AKT1: variants seen among roughly 807,000 people sequenced by gnomAD.
AKT1 encodes RAC-alpha serine/threonine-protein kinase.
AKT1 carries 21 observed loss-of-function variants against 63.1 expected under a neutral mutation model. The ratio of observed to expected loss-of-function variants is 0.33; its 90% CI spans 0.24 to 0.48. AKT1 has a LOEUF of 0.48. Among genes scored for constraint, AKT1 ranks in the 20% least tolerant of loss-of-function variants. The probability of loss-of-function intolerance (pLI) is 0.99; values close to 1 mark genes in which losing one functional copy is unlikely to be tolerated. For synonymous variants in AKT1, 257 were observed against 253.1 expected, an observed-to-expected ratio of 1.02 and a Z score of -0.15; for missense variants, 382 against 666.0, an observed-to-expected ratio of 0.57 and a Z score of 4.69.
At chr14:104,789,504 C>CG (rs1380594322) in intron 3 of AKT1, among the ~76,000 whole-genome samples, 1 of 152,256 alleles carries the variant, frequency 6.6e-6, no homozygotes, top group Non-Finnish European at 1.5e-5. Context: ...TGGCACGGAG[C>CG]TATCAAAGGA....
intron 12 of AKT1, 61 bp downstream of exon 12, chr14:104,772,817 G>C (rs964585008): frequency 6.5e-7 from 1 of 1,534,566 alleles, no homozygotes; most frequent in Non-Finnish European, 8.8e-7. Flanking sequence ...CGCAGGGGCA[G>C]GTGCAGCCTG....
At chr14:104,778,943 C>T (rs1892876061) in intron 4 of AKT1, among the ~76,000 whole-genome samples, 1 of 152,226 alleles carries the variant, frequency 6.6e-6, no homozygotes. Context: ...TTACCCAGCC[C>T]TGCCACATAC....
At chr14:104,776,014 A>G (rs1374150884) in intron 5 of AKT1, 2 of 530,626 alleles carry the variant, frequency 3.8e-6, no homozygotes, top group Non-Finnish European at 6.6e-6. Flanking sequence ...TTAGCCCCCC[A>G]GCAGGACTCT....
rs753076466 is a variant in AKT1, at chr14:104,773,592, G to A, written c.703-12C>T. The stretch of plus-strand genomic sequence containing the variant: ...AGGTGGAAGAACAGCTGCGGGAGGC[G>A]CAACCTGAGGCACAGCCGTGGCTCG... On this transcript the variant is annotated splice_polypyrimidine_tract_variant and intron_variant, in intron 9 of 14. Coordinates refer to ENST00000649815, the MANE Select transcript of AKT1 (RefSeq NM_001382430.1). 27 of 1,597,964 alleles carry A rather than the reference G, an allele frequency of 1.7e-5. No homozygotes were observed. The highest frequency in any genetic ancestry group is 9.4e-5 in the African/African-American group (7 of 74,798).
intron 12 of AKT1, 101 bp from the exon 13 acceptor site, chr14:104,772,553 G>A (rs958131668): frequency 1.6e-4 from 194 of 1,208,532 alleles, no homozygotes; most frequent in Admixed American, 4.3e-4. Context: ...CAGACAGGAC[G>A]TTCCGGGGCC....
At chr14:104,777,704 G>T in intron 4 of AKT1, 1 of 985,726 alleles carries the variant, frequency 1.0e-6, no homozygotes. Context: ...GTGCAAAGCA[G>T]GAGGAGGCTG....
At chr14:104,793,033 A>G (rs1893708135) in intron 2 of AKT1, 94 bp downstream of exon 2, 2 of 363,574 alleles carry the variant, frequency 5.5e-6, no homozygotes, top group Middle Eastern at 1.7e-3. Flanking sequence ...CCAGGCCCTG[A>G]GAGCTGCTGC....
Position 104,770,390 on chromosome 14 carries a change from C to A in AKT1, c.1394G>T (p.Arg465Leu). 6.2e-7 allele frequency: 1 copy of A among 1,612,470 alleles called. No homozygotes were observed. The highest frequency in any genetic ancestry group is 8.5e-7 in the Non-Finnish European group (1 of 1,179,870). ...GGAGAACTGGGGGAAGTGGGGCCTG[C>A]GCTCGCTGTCCACACACTCCATGCT... is the stretch of plus-strand genomic sequence containing the variant. ...DDSMECVDSE[R>L]RPHFPQFSYS... is the part of the protein sequence containing the mutation. Residue 465 changes from arginine (R) to leucine (L), a missense_variant, in exon 15 of 15, where the codon CGC (arginine) becomes CTC (leucine). Arg to Leu is a moderately radical substitution (Grantham distance 102). Coordinates refer to ENST00000649815, the MANE Select transcript of AKT1 (RefSeq NM_001382430.1).
intron 5 of AKT1, chr14:104,776,448 C>G (rs974440205): frequency 3.8e-6 from 2 of 522,786 alleles, no homozygotes; most frequent in Non-Finnish European, 3.4e-6. Context: ...CACCCGGTCC[C>G]TAGCCAGTTT....
chr14:104,777,839 T>G (rs1013398773), intron 4 of AKT1: 2 of 431,078 alleles, frequency 4.6e-6, no homozygotes, highest in Non-Finnish European at 6.2e-6. Context: ...GGGACCAGCC[T>G]GGTGGGGAGG....
intron 11 of AKT1, 44 bp from the exon 12 acceptor site, chr14:104,773,136 C>A: frequency 1.2e-6 from 2 of 1,611,862 alleles, no homozygotes; most frequent in Middle Eastern, 1.7e-4. Context: ...CAAGGGGTGT[C>A]CGGGACACTG....
At position 104,782,986 on chromosome 14, in the gene AKT1, G is replaced by A. The variant is rs1041946832; in HGVS notation, c.47-2770C>T. Among the ~76,000 whole-genome samples, 42 of 152,288 alleles carry A rather than the reference G, an allele frequency of 2.8e-4. 1 individual carries two copies. Among genetic ancestry groups the A allele is most frequent in the Middle Eastern group, 3.4e-3 (1 of 294 alleles). On this transcript the variant is annotated intron_variant, in intron 3 of 14. Transcript: ENST00000649815. ...GGCGGCCAGCCCCGACAGCAGATGC[G>A]GCAGGGCCCCACTACTCCCTGATCC...
intron 12 of AKT1, 136 bp from the exon 13 acceptor site, chr14:104,772,588 G>A (rs940560393): frequency 3.2e-5 from 28 of 869,400 alleles, no homozygotes; most frequent in Admixed American, 2.5e-4. Flanking sequence ...GTGGTGCAGC[G>A]TCCCTGAGCA....
At chr14:104,778,141 T>C (rs1892838658) in intron 4 of AKT1, 1 of 152,410 alleles carries the variant, frequency 6.6e-6, no homozygotes, top group Non-Finnish European at 1.5e-5. Flanking sequence ...CACCTCCAGC[T>C]GGTACCCACC....
chr14:104,784,892 G>A (rs947197082), intron 3 of AKT1, among the ~76,000 whole-genome samples: 1 of 152,220 alleles, frequency 6.6e-6, no homozygotes, highest in African/African-American at 2.4e-5. Context: ...AGGTGTGTCA[G>A]CCCCCCTAGG....
intron 3 of AKT1, among the ~76,000 whole-genome samples, chr14:104,791,192 G>A (rs1893608659): frequency 6.6e-6 from 1 of 152,150 alleles, no homozygotes; most frequent in Non-Finnish European, 1.5e-5. Flanking sequence ...ATTTGCCAAG[G>A]ATAAAGAAGC....
intron 8 of AKT1, chr14:104,774,335 T>G (rs1892589311): frequency 2.9e-6 from 1 of 344,534 alleles, no homozygotes; most frequent in Admixed American, 4.0e-5. Flanking sequence ...GTGAGCAAGG[T>G]GGCCTGGGCT....
chr14:104,780,277 G>C, intron 3 of AKT1, 61 bp from the exon 4 acceptor site: 2 of 1,589,134 alleles, frequency 1.3e-6, no homozygotes. Flanking sequence ...TCGCCAGGCA[G>C]CCAGGCAGGA....
At chr14:104,784,859 G>C (rs2494742) in intron 3 of AKT1, among the ~76,000 whole-genome samples, 21,221 of 152,252 alleles carry the variant, frequency 0.14, 2,528 homozygotes, top group East Asian at 0.66. Flanking sequence ...CACGTCCCGG[G>C]ACTGACCACC....
Sources: gnomAD v4.1 joint callset for allele counts (sites outside exome capture counted in the v4.1 genomes callset) on GRCh38, gnomAD v4.1.1 for gene constraint, MANE v1.5 for transcripts, NCBI Gene and HGNC (gene_info 2026-07-23, HGNC 2026-07-21) for gene names.